Variants in ZFR observed in about 807,000 individuals in gnomAD.
The protein encoded by ZFR is zinc finger RNA binding protein, also known as zinc finger RNA-binding protein.
A neutral mutation model predicts 130.7 loss-of-function variants in ZFR; 19 were observed. That is an observed-to-expected ratio of 0.15 (90% CI 0.10 to 0.21). The LOEUF (loss-of-function observed/expected upper bound fraction) is 0.21. Among genes scored for constraint, ZFR ranks in the 10% least tolerant of loss-of-function variants. The probability of loss-of-function intolerance (pLI) is 1.00; values close to 1 mark genes in which losing one functional copy is unlikely to be tolerated. For synonymous variants in ZFR, 466 were observed against 456.9 expected (o/e 1.02, Z -0.25); for missense variants, 872 against 1,321.5 (o/e 0.66, Z 5.27).
chr5:32,395,456 CAGAGA>C (rs1753281569), intron 10 of ZFR, 152 bp from the exon 11 acceptor site: 1 of 555,440 alleles, frequency 1.8e-6, no homozygotes, highest in South Asian at 6.0e-5. Context: ...TAAGGTAAAT[CAGAGA>C]AAAGATTCAA....
intron 5 of ZFR, among the ~76,000 whole-genome samples, chr5:32,413,596 A>T (rs188884514): frequency 9.8e-4 from 149 of 152,276 alleles, no homozygotes; most frequent in Middle Eastern, 3.4e-3. Context: ...AAGGAAAGGA[A>T]GCACATATAA....
At chr5:32,416,886 ATAAT>A (rs1284198896) in intron 4 of ZFR, among the ~76,000 whole-genome samples, 1 of 148,374 alleles carries the variant, frequency 6.7e-6, no homozygotes, top group Non-Finnish European at 1.5e-5. Flanking sequence ...CCCTTCAAAA[ATAAT>A]TAAAGGAAGT....
chr5:32,375,789 G>T (rs1433547740), intron 17 of ZFR, among the ~76,000 whole-genome samples: 1 of 152,046 alleles, frequency 6.6e-6, no homozygotes, highest in Non-Finnish European at 1.5e-5. Context: ...TTACAGGCAT[G>T]AGCCACTAGA....
chr5:32,393,908 G>C (rs1361620761), intron 11 of ZFR, among the ~76,000 whole-genome samples: 1 of 152,080 alleles, frequency 6.6e-6, no homozygotes, highest in Non-Finnish European at 1.5e-5. Context: ...AGTGCCTCAA[G>C]GAGGGTCAAG....
chr5:32,375,692 A>G (rs1309209881), intron 17 of ZFR, among the ~76,000 whole-genome samples: 6 of 151,984 alleles, frequency 3.9e-5, no homozygotes, highest in Admixed American at 3.9e-4. Context: ...TCTTTTCTAG[A>G]GAAAGGGTTT....
chr5:32,363,883 A>G (rs1752484576), intron 19 of ZFR, 65 bp downstream of exon 19: 1 of 1,340,424 alleles, frequency 7.5e-7, no homozygotes, highest in Non-Finnish European at 1.0e-6. Context: ...CCTTAAGACA[A>G]TAACAGAAAA....
intron 17 of ZFR, among the ~76,000 whole-genome samples, chr5:32,369,685 A>C (rs1275453333): frequency 1.3e-5 from 2 of 151,962 alleles, no homozygotes; most frequent in Non-Finnish European, 2.9e-5. Context: ...GGTAGCATGC[A>C]CCTACAGTCC....
chr5:32,398,979 A>G (rs1753381544), intron 9 of ZFR, among the ~76,000 whole-genome samples: 1 of 152,042 alleles, frequency 6.6e-6, no homozygotes, highest in African/African-American at 2.4e-5. Context: ...ACAAATATTT[A>G]TTTAAAACCT....
chr5:32,419,535 G>A (rs558412241), intron 3 of ZFR, among the ~76,000 whole-genome samples: 2 of 152,160 alleles, frequency 1.3e-5, no homozygotes, highest in African/African-American at 2.4e-5. Flanking sequence ...ACGGGGTTTC[G>A]CCATGTTGGA....
At chr5:32,439,552 T>C (rs1037718440) in intron 2 of ZFR, among the ~76,000 whole-genome samples, 4 of 152,216 alleles carry the variant, frequency 2.6e-5, no homozygotes, top group African/African-American at 7.2e-5. Context: ...TTCTTTTGAC[T>C]GGCAGATGCT....
chr5:32,377,105 A>C (rs62360819), intron 17 of ZFR, among the ~76,000 whole-genome samples: 61 of 147,736 alleles, frequency 4.1e-4, no homozygotes, highest in Admixed American at 4.1e-3. Flanking sequence ...GCAGTGAGCC[A>C]AGATCGTGCC....
At chr5:32,427,009 GAACT>G (rs774457093) in intron 2 of ZFR, among the ~76,000 whole-genome samples, 14 of 151,402 alleles carry the variant, frequency 9.2e-5, no homozygotes, top group Non-Finnish European at 1.5e-4. Flanking sequence ...AAAACTGTTA[GAACT>G]AATAAAGGAA....
In ZFR at chr5:32,388,608, T is replaced by C. The variant is rs1753090278; in HGVS notation, c.2209A>G (p.Thr737Ala). Residue 737 changes from threonine (T) to alanine (A), a missense_variant, in exon 13 of 20, where the codon ACT becomes GCT. Around this residue, in one of 7 missense-constraint regions of ZFR, gnomAD observed 225 missense variants for 282.4 expected, o/e 0.80. Transcript: ENST00000265069. ...TGAACTGCCTGTAACTCCTCTTCAG[T>C]TGGATAAATGGTGGCATGTTTTGTC... The part of the protein sequence containing the change: ...VMTKHATIYP[T>A]EEELQAVQKI... The C allele has an allele frequency of 6.2e-7, 1 of 1,614,052 alleles. No individual in the cohort carries two copies. Among genetic ancestry groups the C allele is most frequent in the Non-Finnish European group, 8.5e-7 (1 of 1,179,934 alleles).
At chr5:32,392,427 G>A (rs1019056214) in intron 11 of ZFR, among the ~76,000 whole-genome samples, 1 of 152,038 alleles carries the variant, frequency 6.6e-6, no homozygotes, top group Non-Finnish European at 1.5e-5. Flanking sequence ...ATACATAATA[G>A]TAAAAACTAT....
chr5:32,407,366 T>TG (rs1052455358), intron 5 of ZFR, among the ~76,000 whole-genome samples: 2 of 151,060 alleles, frequency 1.3e-5, no homozygotes, highest in East Asian at 1.9e-4. Context: ...TAAAATCCTG[T>TG]GAACAAAATT....
chr5:32,366,553 T>G (rs1296834390), intron 17 of ZFR, among the ~76,000 whole-genome samples: 1 of 152,222 alleles, frequency 6.6e-6, no homozygotes, highest in Non-Finnish European at 1.5e-5. Flanking sequence ...ACTAATCAAC[T>G]ACCTCTGACA....
chr5:32,408,683 G>A (rs930997867), intron 5 of ZFR, among the ~76,000 whole-genome samples: 1 of 152,186 alleles, frequency 6.6e-6, no homozygotes, highest in Non-Finnish European at 1.5e-5. Context: ...GAGGACGTTT[G>A]TAGGACTGCC....
At chr5:32,410,959 A>G (rs990615117) in intron 5 of ZFR, among the ~76,000 whole-genome samples, 1 of 152,232 alleles carries the variant, frequency 6.6e-6, no homozygotes, top group Non-Finnish European at 1.5e-5. Flanking sequence ...CAAATGTACA[A>G]ATCTTTACAT....
chr5:32,365,882 C>T (rs1476310632), intron 17 of ZFR, among the ~76,000 whole-genome samples: 2 of 152,134 alleles, frequency 1.3e-5, no homozygotes, highest in Non-Finnish European at 2.9e-5. Flanking sequence ...TTACAGGCAT[C>T]ACAGCAACAG....
Sources: allele counts gnomAD v4.1 joint callset (sites outside exome capture counted in the v4.1 genomes callset), GRCh38; gene constraint gnomAD v4.1.1; regional missense constraint gnomAD v4.1.1; transcripts MANE v1.5; gene names NCBI Gene and HGNC (gene_info 2026-07-23, HGNC 2026-07-21).